The following SMOC2 variants were observed in gnomAD, a reference collection of about 807,000 sequenced individuals.
The protein encoded by SMOC2 is SPARC related modular calcium binding 2.
SMOC2 carries 39 observed loss-of-function variants against 61.4 expected under a neutral mutation model. The observed-to-expected ratio is 0.64, with a 90% CI of 0.49 to 0.83. The LOEUF is 0.83. SMOC2 is among the 40% of genes least tolerant of loss of function. SMOC2 has a pLI of 0.00. For synonymous variants in SMOC2, 247 were observed against 239.9 expected, an observed-to-expected ratio of 1.03 and a Z score of -0.27; for missense variants, 556 against 592.9, an observed-to-expected ratio of 0.94 and a Z score of 0.65.
At position 168,608,174 on chromosome 6, in the gene SMOC2, G is replaced by A. The variant is rs2115203587; in HGVS notation, c.842G>A (p.Cys281Tyr). ...GCCCATAGGTACGAGCAGCCGAAATGTGACAACACGGCCAGGGCCCACCCA... is the reference window on the plus strand; with the variant it reads ...GCCCATAGGTACGAGCAGCCGAAATATGACAACACGGCCAGGGCCCACCCA... ...GTSTRYEQPKCDNTARAHPAK... is the reference protein window; with the variant it reads ...GTSTRYEQPKYDNTARAHPAK... The change falls in exon 9 of 13, where the codon TGT (cysteine) becomes TAT (tyrosine). Residue 281 changes from cysteine to tyrosine, a missense_variant. By Grantham distance (194) the Cys-to-Tyr change is radical (BLOSUM62 -2). Coordinates refer to ENST00000356284, the MANE Select transcript of SMOC2 (RefSeq NM_001166412.2). The A allele has an allele frequency of 6.2e-7, 1 of 1,613,850 alleles. No individual in the cohort carries two copies. Among genetic ancestry groups the A allele is most frequent in the Non-Finnish European group, 8.5e-7 (1 of 1,179,938 alleles).
intron 2 of SMOC2, among the ~76,000 whole-genome samples, chr6:168,513,726 A>C (rs1337459383): frequency 1.3e-5 from 2 of 152,170 alleles, no homozygotes; most frequent in Non-Finnish European, 1.5e-5. Flanking sequence ...GAGTGAGTCC[A>C]TGCTGTTCTC....
intron 2 of SMOC2, among the ~76,000 whole-genome samples, chr6:168,518,355 TGC>T (rs1316260192): frequency 1.9e-4 from 28 of 151,030 alleles, no homozygotes; most frequent in East Asian, 1.4e-3. Flanking sequence ...TGTGCGTGAG[TGC>T]GAATGTGTGT....
At chr6:168,566,368 T>C (rs1038028179) in intron 7 of SMOC2, among the ~76,000 whole-genome samples, 2 of 152,172 alleles carry the variant, frequency 1.3e-5, no homozygotes, top group African/African-American at 4.8e-5. Flanking sequence ...CAATAGGTTG[T>C]CTTTAACTTG....
chr6:168,554,215 G>A (rs1410408857), intron 7 of SMOC2, among the ~76,000 whole-genome samples: 2 of 152,240 alleles, frequency 1.3e-5, no homozygotes, highest in Non-Finnish European at 2.9e-5. Flanking sequence ...GTTTTCAGGT[G>A]CCATAGTCTC....
At position 168,558,109 on chromosome 6, in the gene SMOC2, T is replaced by A. The variant is rs1784290143; in HGVS notation, c.637+8906T>A. Among the ~76,000 whole-genome samples the A allele has an allele frequency of 5.9e-5, 9 of 152,188 alleles. No homozygotes were observed. The South Asian group carries it at 1.7e-3, about 28-fold the overall frequency. ...GGCAAGGGACTGGCTTCAGAAGCGA[T>A]CTCATGGTAAACAGCACCAGCAGAA... On this transcript the variant is annotated intron_variant, in intron 7 of 12. Transcript: ENST00000356284.
intron 4 of SMOC2, among the ~76,000 whole-genome samples, chr6:168,529,209 T>C (rs1025729230): frequency 1.3e-5 from 2 of 151,828 alleles, no homozygotes; most frequent in African/African-American, 4.8e-5. Context: ...AAATATTCCT[T>C]TTTTTTTAAC....
chr6:168,518,507 G>GAA lies in SMOC2; in HGVS notation c.257-7839_257-7838insAA, dbSNP rs1562566341. On this transcript the variant is annotated intron_variant, in intron 2 of 12. Coordinates refer to ENST00000356284, the MANE Select transcript of SMOC2 (RefSeq NM_001166412.2). ...CATATGTGAGTGTGCATGTGTGAAT[G>GAA]TGTGTAAATGTGCATGTGTGGATGT... Among the ~76,000 whole-genome samples the GAA allele has an allele frequency of 6.3e-4, 92 of 145,848 alleles. No homozygotes were observed. The South Asian group carries it at 0.014, about 23-fold the overall frequency.
chr6:168,613,375 TGAG>T (rs1785940045), intron 9 of SMOC2, among the ~76,000 whole-genome samples: 1 of 152,148 alleles, frequency 6.6e-6, no homozygotes, highest in Admixed American at 6.5e-5. Flanking sequence ...GGGGGCGGCA[TGAG>T]GAGCCCCTTG....
At chr6:168,493,049 T>G (rs1262216338) in intron 1 of SMOC2, among the ~76,000 whole-genome samples, 1 of 152,178 alleles carries the variant, frequency 6.6e-6, no homozygotes, top group Non-Finnish European at 1.5e-5. Flanking sequence ...GTGATTTTTT[T>G]TTTTTGAGAC....
At chr6:168,639,805 A>T (rs1347404996) in intron 9 of SMOC2, among the ~76,000 whole-genome samples, 7 of 152,154 alleles carry the variant, frequency 4.6e-5, no homozygotes, top group Non-Finnish European at 1.0e-4. Context: ...TTCAGAACAA[A>T]CTCAATCATA....
At chr6:168,651,663 C>T (rs1486576422) in intron 10 of SMOC2, among the ~76,000 whole-genome samples, 2 of 152,198 alleles carry the variant, frequency 1.3e-5, no homozygotes, top group East Asian at 3.8e-4. Context: ...AGCCTCTCCT[C>T]TCACTGTCTG....
In SMOC2 at chr6:168,447,506, G is replaced by A. The variant is rs146144231; in HGVS notation, c.84+6052G>A. 3.8e-3 allele frequency among the ~76,000 whole-genome samples: 575 copies of A among 152,186 alleles called. 2 individuals are homozygous for A. Among genetic ancestry groups the A allele is most frequent in the African/African-American group, 0.013 (554 of 41,528 alleles). ...CACTCCTTCCTTCTGCTAAAGTGTGGGTGCCCTGGGCCCTGCCCTAGAGCC... is the reference window on the plus strand; with the variant it reads ...CACTCCTTCCTTCTGCTAAAGTGTGAGTGCCCTGGGCCCTGCCCTAGAGCC... On this transcript the variant is annotated intron_variant, in intron 1 of 12. Transcript: ENST00000356284.
At chr6:168,519,476 G>A (rs577148849) in intron 2 of SMOC2, among the ~76,000 whole-genome samples, 1 of 152,250 alleles carries the variant, frequency 6.6e-6, no homozygotes, top group South Asian at 2.1e-4. Flanking sequence ...ATTTTAACAC[G>A]TCTGATGTTT....
rs118015040 is a variant in SMOC2 at position 168,477,175 on chromosome 6, A to G, written c.85-32740A>G. 3.9e-5 allele frequency among the ~76,000 whole-genome samples: 6 copies of G among 152,344 alleles called. No homozygotes were observed. In the East Asian group the frequency reaches 1.2e-3, roughly 29 times the overall value. On this transcript the variant is annotated intron_variant, in intron 1 of 12. Coordinates refer to ENST00000356284, the MANE Select transcript of SMOC2 (RefSeq NM_001166412.2). ...ACAGATGGGCTCAGATCCTGAAAGA[A>G]CAGCCTTTCCTGTGGACACTCCAGC... is the stretch of plus-strand genomic sequence containing the variant.
chr6:168,467,409 C>T (rs777831824), intron 1 of SMOC2, among the ~76,000 whole-genome samples: 1 of 151,930 alleles, frequency 6.6e-6, no homozygotes, highest in Non-Finnish European at 1.5e-5. Context: ...TGGTTTCAAG[C>T]GATTCTCCTG....
At chr6:168,649,022 G>A (rs141016691) in intron 9 of SMOC2, among the ~76,000 whole-genome samples, 219 of 152,328 alleles carry the variant, frequency 1.4e-3, no homozygotes, top group African/African-American at 4.9e-3. Flanking sequence ...TGAGAATCAC[G>A]TGTGGCACTG....
chr6:168,450,285 G>A lies in SMOC2; in HGVS notation c.84+8831G>A, dbSNP rs868153522. Among the ~76,000 whole-genome samples the A allele has an allele frequency of 3.3e-5, 5 of 152,284 alleles. No homozygotes were observed. In the Middle Eastern group the frequency reaches 0.014, roughly 414 times the overall value. The stretch of plus-strand genomic sequence containing the variant: ...TGCCAGTCACCATAGAGCGAAATTT[G>A]TTCTAAGGAGAATTCCTCTTGGATC... On this transcript the variant is annotated intron_variant, in intron 1 of 12. Coordinates refer to ENST00000356284, the MANE Select transcript of SMOC2 (RefSeq NM_001166412.2).
chr6:168,578,398 T>C (rs1051924584), intron 7 of SMOC2, among the ~76,000 whole-genome samples: 2 of 152,218 alleles, frequency 1.3e-5, no homozygotes, highest in Non-Finnish European at 2.9e-5. Context: ...CAAAATGTTA[T>C]TGTTTCCTTC....
chr6:168,521,693 G>A (rs1317518596), intron 2 of SMOC2, among the ~76,000 whole-genome samples: 1 of 152,076 alleles, frequency 6.6e-6, no homozygotes, highest in African/African-American at 2.4e-5. Context: ...AACAAGCCTG[G>A]GCAACAAATC....
Sources: gnomAD v4.1 joint callset for allele counts (sites outside exome capture counted in the v4.1 genomes callset) on GRCh38, gnomAD v4.1.1 for gene constraint, MANE v1.5 for transcripts, NCBI Gene and HGNC (gene_info 2026-07-23, HGNC 2026-07-21) for gene names.